The following TRDN variants were observed in gnomAD, a reference collection of about 807,000 sequenced individuals.
TRDN encodes the protein triadin in skeletal muscle.
A neutral mutation model predicts 149.7 loss-of-function variants in TRDN; 161 were observed. That is an observed-to-expected ratio of 1.08 (90% CI 0.95 to 1.23). The LOEUF (loss-of-function observed/expected upper bound fraction) is 1.23. Among genes scored for constraint, TRDN ranks in the 50% most tolerant of loss-of-function variants. The pLI, the probability that TRDN is intolerant of heterozygous loss-of-function variation, is 0.00. For synonymous variants in TRDN, 294 were observed against 250.5 expected, an observed-to-expected ratio of 1.17 and a Z score of -1.64; for missense variants, 896 against 823.5, an observed-to-expected ratio of 1.09 and a Z score of -1.08.
intron 20 of TRDN, among the ~76,000 whole-genome samples, chr6:123,356,164 G>C (rs1295866955): frequency 1.3e-5 from 2 of 151,666 alleles, no homozygotes; most frequent in African/African-American, 4.8e-5. Context: ...GTGTGTGATA[G>C]AACTGGTGAT....
At chr6:123,536,752 G>A (rs529744428) in intron 4 of TRDN, among the ~76,000 whole-genome samples, 38 of 151,528 alleles carry the variant, frequency 2.5e-4, no homozygotes, top group African/African-American at 8.9e-4. Context: ...GGGTGTGGTG[G>A]TGCACAACTG....
At chr6:123,431,714 G>A (rs1774347990) in intron 12 of TRDN, among the ~76,000 whole-genome samples, 1 of 152,020 alleles carries the variant, frequency 6.6e-6, no homozygotes, top group Non-Finnish European at 1.5e-5. Context: ...AATTATAAAT[G>A]TACACATAAA....
At chr6:123,613,455 G>T (rs1784911162) in intron 1 of TRDN, among the ~76,000 whole-genome samples, 2 of 152,180 alleles carry the variant, frequency 1.3e-5, no homozygotes, top group Admixed American at 1.3e-4. Flanking sequence ...ATCCATTAAA[G>T]GTAACACTAT....
intron 16 of TRDN, among the ~76,000 whole-genome samples, chr6:123,380,776 A>T (rs543612764): frequency 6.8e-6 from 1 of 147,814 alleles, no homozygotes; most frequent in African/African-American, 2.5e-5. Flanking sequence ...GAGAACCTAT[A>T]TTTGTGAAAG....
chr6:123,277,816 C>T (rs1364978147), intron 26 of TRDN, among the ~76,000 whole-genome samples: 1 of 152,136 alleles, frequency 6.6e-6, no homozygotes, highest in Admixed American at 6.6e-5. Flanking sequence ...GGAATTTAAG[C>T]CACCCAGTTT....
At chr6:123,631,536 C>T (rs1197704962) in intron 1 of TRDN, among the ~76,000 whole-genome samples, 1 of 152,016 alleles carries the variant, frequency 6.6e-6, no homozygotes, top group African/African-American at 2.4e-5. Flanking sequence ...GACTACTCTG[C>T]TTAATATGAG....
chr6:123,518,251 T>G (rs2114266348), intron 5 of TRDN, among the ~76,000 whole-genome samples: 1 of 152,310 alleles, frequency 6.6e-6, no homozygotes, highest in East Asian at 1.9e-4. Flanking sequence ...AGTTGTTTAT[T>G]CGCTACTCAG....
At chr6:123,603,134 T>C (rs1784354827) in intron 1 of TRDN, among the ~76,000 whole-genome samples, 1 of 38,826 alleles carries the variant, frequency 2.6e-5, no homozygotes, top group South Asian at 7.7e-4. Flanking sequence ...GTCACAACCA[T>C]AATAGTATTT....
In TRDN at chr6:123,587,939, G is replaced by C. The variant is rs150318153; in HGVS notation, c.23-16807C>G. Among the ~76,000 whole-genome samples the C allele has an allele frequency of 1.7e-3, 263 of 152,240 alleles. 2 individuals are homozygous for C. Among genetic ancestry groups the C allele is most frequent in the African/African-American group, 2.4e-3 (100 of 41,546 alleles). On this transcript the variant is annotated intron_variant, in intron 1 of 40. Transcript: ENST00000334268. Reference sequence around the variant, plus strand: ...AATGTTATCAGTTAAGGCAGGAACTGTCGATCTGGATGTGTACGTGCAGGT... The same window carrying C: ...AATGTTATCAGTTAAGGCAGGAACTCTCGATCTGGATGTGTACGTGCAGGT...
chr6:123,516,301 G>C, intron 5 of TRDN, 95 bp from the exon 6 acceptor site: 1 of 1,274,094 alleles, frequency 7.8e-7, no homozygotes, highest in South Asian at 2.0e-5. Flanking sequence ...TTTATCTTCT[G>C]TTTTTAGAAA....
intron 13 of TRDN, among the ~76,000 whole-genome samples, chr6:123,389,840 T>A (rs1398512098): frequency 6.6e-6 from 1 of 152,116 alleles, no homozygotes; most frequent in Non-Finnish European, 1.5e-5. Flanking sequence ...TCCAATGATA[T>A]AATAAGGATA....
At position 123,278,321 on chromosome 6, in the gene TRDN, G is replaced by A; in HGVS notation, c.1564C>T (p.Pro522Ser). 1 of 1,292,482 alleles carries A rather than the reference G, an allele frequency of 7.7e-7. No individual in the cohort carries two copies. The allele number at this position is 1,292,482 out of a possible 1,614,324, so 80.1% of individuals were successfully genotyped here. ...TGTATAAATAAAATATACATACCTGGCTTCTCTTCCTTTTTTCCTTGTAGT... is the reference window on the plus strand; with the variant it reads ...TGTATAAATAAAATATACATACCTGACTTCTCTTCCTTTTTTCCTTGTAGT... The part of the protein sequence containing the change: ...PQLQGKKEEK[P>S]EPQIKKEAKP... The change falls in exon 26 of 41, where the codon CCA (proline) becomes TCA (serine). Residue 522 changes from proline (P) to serine (S), a missense_variant. Physicochemically the swap from Pro to Ser is moderately conservative, Grantham distance 74. Coordinates refer to ENST00000334268, the MANE Select transcript of TRDN (RefSeq NM_006073.4).
intron 1 of TRDN, among the ~76,000 whole-genome samples, chr6:123,614,860 T>A (rs1377911838): frequency 6.6e-6 from 1 of 151,906 alleles, no homozygotes; most frequent in Non-Finnish European, 1.5e-5. Flanking sequence ...AGTAAAGAAA[T>A]AACCAACAGA....
At chr6:123,376,325 A>C (rs145313063) in intron 18 of TRDN, among the ~76,000 whole-genome samples, 166 of 152,288 alleles carry the variant, frequency 1.1e-3, no homozygotes, top group African/African-American at 3.9e-3. Context: ...TAGACAAAAC[A>C]TTTCTTCCCA....
chr6:123,503,175 T>G, intron 8 of TRDN: 4 of 985,038 alleles, frequency 4.1e-6, no homozygotes, highest in Non-Finnish European at 4.8e-6. Context: ...AAAAGAAACT[T>G]GAGAACTGTC....
intron 8 of TRDN, chr6:123,502,512 G>A (rs1377341664): frequency 2.1e-6 from 2 of 934,052 alleles, no homozygotes; most frequent in Non-Finnish European, 2.6e-6. Context: ...TTTAAAATAT[G>A]TATCTTTTGT....
chr6:123,582,574 G>A (rs944742720), intron 1 of TRDN, among the ~76,000 whole-genome samples: 1 of 152,106 alleles, frequency 6.6e-6, no homozygotes, highest in Non-Finnish European at 1.5e-5. Flanking sequence ...TGAGCCAGGA[G>A]AAGGAATTTC....
chr6:123,303,785 G>A (rs1191439845), intron 24 of TRDN, among the ~76,000 whole-genome samples: 1 of 152,112 alleles, frequency 6.6e-6, no homozygotes, highest in Non-Finnish European at 1.5e-5. Context: ...ACCTAGCACT[G>A]TTCCCTACAG....
In TRDN at chr6:123,408,238, A is replaced by G. The variant is rs774420373; in HGVS notation, c.1052-14561T>C. Among the ~76,000 whole-genome samples, 39 of 152,354 alleles carry G rather than the reference A, an allele frequency of 2.6e-4. No homozygotes were observed. In the Middle Eastern group the frequency reaches 0.014, roughly 53 times the overall value. On this transcript the variant is annotated intron_variant, in intron 12 of 40. Transcript: ENST00000334268. The stretch of plus-strand genomic sequence containing the variant: ...TGTTCATCCCAACACTGTGCTCACA[A>G]TACTTCATCATCAAAATCTCTGAAT...
Sources: gnomAD v4.1 joint callset for allele counts (sites outside exome capture counted in the v4.1 genomes callset) on GRCh38, gnomAD v4.1.1 for gene constraint, MANE v1.5 for transcripts, NCBI Gene and HGNC (gene_info 2026-07-23, HGNC 2026-07-21) for gene names.